The following CDH13 variants were observed in gnomAD, a reference collection of about 807,000 sequenced individuals.
CDH13 encodes the protein cadherin 13.
A neutral mutation model predicts 63.8 loss-of-function variants in CDH13; 24 were observed. The ratio of observed to expected loss-of-function variants is 0.38; its 90% CI spans 0.27 to 0.53. CDH13 has a LOEUF of 0.53. CDH13 is among the 20% of genes least tolerant of loss of function. The pLI is 0.85. For synonymous variants in CDH13, 503 were observed against 355.3 expected, an observed-to-expected ratio of 1.42 and a Z score of -4.67; for missense variants, 1,049 against 903.1, an observed-to-expected ratio of 1.16 and a Z score of -2.07.
chr16:83,077,156 TTC>T (rs1428991744), intron 3 of CDH13, among the ~76,000 whole-genome samples: 1 of 148,468 alleles, frequency 6.7e-6, no homozygotes, highest in Non-Finnish European at 1.5e-5. Flanking sequence ...GATTTTCTTT[TTC>T]TTTCTTTTCT....
chr16:82,826,038 G>C (rs1158459076), intron 1 of CDH13: 5 of 151,930 alleles, frequency 3.3e-5, no homozygotes, highest in Middle Eastern at 3.4e-3. Flanking sequence ...TATTTTTTTA[G>C]TAGAGTCGGG....
chr16:83,703,834 T>G (rs12926992), intron 10 of CDH13, among the ~76,000 whole-genome samples: 89,255 of 151,936 alleles, frequency 0.59, 26,282 homozygotes, highest in East Asian at 0.73. Flanking sequence ...TAGACCAACA[T>G]GCCTCTGACT....
intron 2 of CDH13, among the ~76,000 whole-genome samples, chr16:82,912,804 G>C (rs1033699797): frequency 2.0e-5 from 3 of 152,072 alleles, no homozygotes; most frequent in African/African-American, 7.2e-5. Context: ...TTAGCTGGGC[G>C]TGGTGGCGGG....
Position 83,120,362 on chromosome 16 carries a change from C to T in CDH13, c.367-5023C>T, listed in dbSNP as rs551138082. 9.9e-5 allele frequency among the ~76,000 whole-genome samples: 15 copies of T among 152,278 alleles called. No individual in the cohort carries two copies. In the East Asian group the frequency reaches 1.4e-3, roughly 14 times the overall value. On this transcript the variant is annotated intron_variant, in intron 3 of 13. Coordinates refer to ENST00000567109, the MANE Select transcript of CDH13 (RefSeq NM_001257.5). ...CAGGGAGCTGACCACTCTGGACACC[C>T]GTGAGGACAGAAATATCACCCATTT...
chr16:82,946,720 C>CAAAAA lies in CDH13; in HGVS notation c.158-85286_158-85282dup, dbSNP rs55633638. Among the ~76,000 whole-genome samples, 55 of 148,946 alleles carry CAAAAA rather than the reference C, an allele frequency of 3.7e-4. No individual in the cohort carries two copies. In the Middle Eastern group the frequency reaches 0.014, roughly 37 times the overall value. Reference sequence around the variant, plus strand: ...TGGGTGACAGAATGAAACTCTGTCTCAAAAAAAAGAAAGAAAAAACATACT... The same window carrying CAAAAA: ...TGGGTGACAGAATGAAACTCTGTCTCAAAAAAAAAAAAAGAAAGAAAAAACATACT... On this transcript the variant is annotated intron_variant, in intron 2 of 13. Coordinates refer to ENST00000567109, the MANE Select transcript of CDH13 (RefSeq NM_001257.5).
intron 1 of CDH13, among the ~76,000 whole-genome samples, chr16:82,808,577 C>A (rs1019119648): frequency 6.6e-6 from 1 of 152,126 alleles, no homozygotes; most frequent in Admixed American, 6.6e-5. Flanking sequence ...GAAGAAGGCT[C>A]TTTTTCTGCC....
intron 7 of CDH13, among the ~76,000 whole-genome samples, chr16:83,488,267 T>G (rs1002656504): frequency 1.3e-5 from 2 of 152,222 alleles, no homozygotes; most frequent in African/African-American, 2.4e-5. Context: ...TGGCCTAGAC[T>G]GTATGTTTCC....
chr16:83,317,002 C>T (rs1457160713), intron 5 of CDH13, among the ~76,000 whole-genome samples: 2 of 152,152 alleles, frequency 1.3e-5, no homozygotes, highest in Non-Finnish European at 2.9e-5. Flanking sequence ...CTAACCTGGG[C>T]TTTGATGGCC....
intron 6 of CDH13, among the ~76,000 whole-genome samples, chr16:83,348,973 C>T (rs749518451): frequency 1.8e-4 from 28 of 152,302 alleles, no homozygotes; most frequent in African/African-American, 4.6e-4. Context: ...GCAAACCACG[C>T]GTCATTTTCA....
intron 6 of CDH13, among the ~76,000 whole-genome samples, chr16:83,362,809 C>A (rs1410702091): frequency 6.6e-6 from 1 of 152,200 alleles, no homozygotes; most frequent in African/African-American, 2.4e-5. Flanking sequence ...CATAAGCATT[C>A]AGTCCTGCTC....
intron 1 of CDH13, among the ~76,000 whole-genome samples, chr16:82,827,812 G>A: frequency 6.6e-6 from 1 of 152,174 alleles, no homozygotes; most frequent in East Asian, 1.9e-4. Context: ...AAATAGTAGT[G>A]AGATTTATGG....
intron 6 of CDH13, among the ~76,000 whole-genome samples, chr16:83,482,359 AG>A (rs1227779861): frequency 5.3e-5 from 8 of 152,230 alleles, no homozygotes; most frequent in African/African-American, 7.2e-5. Flanking sequence ...TGAAATAAAG[AG>A]GTTCCATCAA....
chr16:83,731,889 A>T (rs546424433), intron 10 of CDH13, among the ~76,000 whole-genome samples: 6 of 152,370 alleles, frequency 3.9e-5, no homozygotes, highest in Non-Finnish European at 8.8e-5. Context: ...TGGAAGATTT[A>T]AATGCTGCAT....
At chr16:83,358,028 C>G (rs1454782239) in intron 6 of CDH13, among the ~76,000 whole-genome samples, 2 of 152,128 alleles carry the variant, frequency 1.3e-5, no homozygotes, top group African/African-American at 4.8e-5. Flanking sequence ...AGTGAGGAAA[C>G]TGAAACTTCA....
intron 10 of CDH13, among the ~76,000 whole-genome samples, chr16:83,729,429 G>A (rs1343352179): frequency 6.6e-6 from 1 of 152,086 alleles, no homozygotes; most frequent in Non-Finnish European, 1.5e-5. Context: ...AACAAATATA[G>A]GCTCATGGTA....
intron 3 of CDH13, among the ~76,000 whole-genome samples, chr16:83,075,040 T>A (rs969257992): frequency 6.6e-6 from 1 of 152,130 alleles, no homozygotes; most frequent in Admixed American, 6.6e-5. Flanking sequence ...AGGGGTAAGA[T>A]CTGTAGATAA....
At chr16:83,390,858 G>A (rs1209269454) in intron 6 of CDH13, among the ~76,000 whole-genome samples, 5 of 152,156 alleles carry the variant, frequency 3.3e-5, no homozygotes, top group Non-Finnish European at 7.3e-5. Context: ...AAGATTTGCT[G>A]TCACCCCCTG....
intron 1 of CDH13, among the ~76,000 whole-genome samples, chr16:82,856,903 G>A (rs993048496): frequency 6.6e-6 from 1 of 152,080 alleles, no homozygotes. Context: ...TCTCACCAGA[G>A]GGGTGAGGGA....
intron 5 of CDH13, among the ~76,000 whole-genome samples, chr16:83,335,943 C>T (rs961055874): frequency 1.1e-4 from 17 of 152,168 alleles, no homozygotes; most frequent in African/African-American, 3.4e-4. Flanking sequence ...CCTTCTTTAA[C>T]TCGGTGTCTG....
Sources: gnomAD v4.1 joint callset for allele counts (sites outside exome capture counted in the v4.1 genomes callset) on GRCh38, gnomAD v4.1.1 for gene constraint, MANE v1.5 for transcripts, NCBI Gene and HGNC (gene_info 2026-07-23, HGNC 2026-07-21) for gene names.